Variants in USP40 observed in about 807,000 individuals in gnomAD.
USP40 encodes ubiquitin carboxyl-terminal hydrolase 40.
In USP40, 143 loss-of-function variants were observed where a neutral mutation model predicts 166.2. The observed-to-expected ratio is 0.86, with a 90% CI of 0.75 to 0.99. The LOEUF is 0.99. USP40 is among the 50% of genes least tolerant of loss of function. The pLI is 0.00. For missense variants in USP40, 1,444 were observed against 1,479.7 expected, an observed-to-expected ratio of 0.98 and a Z score of 0.40; for synonymous variants, 498 against 524.0, an observed-to-expected ratio of 0.95 and a Z score of 0.68.
Position 233,542,255 on chromosome 2 carries a change from A to G in USP40, c.1062+13T>C. On this transcript the variant is annotated intron_variant, in intron 9 of 31. Coordinates refer to ENST00000678225, the MANE Select transcript of USP40 (RefSeq NM_001365479.2). The stretch of plus-strand genomic sequence containing the variant: ...ATACCATACATACAAATACATACAC[A>G]CACATACTATACCTCTAATAAGATT... 6.9e-7 allele frequency: 1 copy of G among 1,451,530 alleles called. No individual in the cohort carries two copies. Among genetic ancestry groups the G allele is most frequent in the Non-Finnish European group, 9.4e-7 (1 of 1,067,386 alleles). The allele number at this position is 1,451,530 out of a possible 1,614,324, so 89.9% of individuals were successfully genotyped here.
At chr2:233,508,216 T>C (rs1342091583) in intron 21 of USP40, among the ~76,000 whole-genome samples, 1 of 152,236 alleles carries the variant, frequency 6.6e-6, no homozygotes, top group African/African-American at 2.4e-5. Context: ...AATTTCTTAA[T>C]ACCAGCAAAT....
chr2:233,514,145 T>C (rs935627117), intron 18 of USP40, among the ~76,000 whole-genome samples: 1 of 152,250 alleles, frequency 6.6e-6, no homozygotes, highest in Non-Finnish European at 1.5e-5. Flanking sequence ...TGCCAGGCAC[T>C]GTGCTAGAAA....
At chr2:233,558,985 C>T (rs1320924137) in intron 4 of USP40, among the ~76,000 whole-genome samples, 1 of 152,158 alleles carries the variant, frequency 6.6e-6, no homozygotes, top group African/African-American at 2.4e-5. Context: ...TCAGAGTTTA[C>T]CATTAAAGGC....
At chr2:233,539,800 G>A (rs951085775) in intron 10 of USP40, among the ~76,000 whole-genome samples, 2 of 151,988 alleles carry the variant, frequency 1.3e-5, no homozygotes, top group African/African-American at 4.8e-5. Context: ...AGATATCAGT[G>A]AAATAGAAAA....
In USP40 at chr2:233,496,741, C is replaced by G; in HGVS notation, c.2790+17G>C. ...AATTATTACTTAAGAGTTGTCTATT[C>G]AGAAGTAAAATCTTACCAGAGGAGG... is the stretch of plus-strand genomic sequence containing the variant. On this transcript the variant is annotated intron_variant, in intron 24 of 31. Transcript: ENST00000678225. 3.7e-6 allele frequency: 6 copies of G among 1,602,938 alleles called. No homozygotes were observed. The highest frequency in any genetic ancestry group is 5.1e-6 in the Non-Finnish European group (6 of 1,171,720).
At chr2:233,494,915 C>CATTTATTT (rs1265219527) in intron 24 of USP40, among the ~76,000 whole-genome samples, 1 of 11,370 alleles carries the variant, frequency 8.8e-5, no homozygotes, top group African/African-American at 3.0e-4. Context: ...AGCAAAATGG[C>CATTTATTT]ATATATATAT....
At chr2:233,556,547 A>T (rs1266471013) in intron 5 of USP40, 1 of 170,076 alleles carries the variant, frequency 5.9e-6, no homozygotes, top group Non-Finnish European at 1.2e-5. Flanking sequence ...ACAATATTCC[A>T]ACCATGATGA....
intron 8 of USP40, among the ~76,000 whole-genome samples, chr2:233,543,234 C>T (rs1383557568): frequency 6.6e-6 from 1 of 151,992 alleles, no homozygotes; most frequent in African/African-American, 2.4e-5. Context: ...ACAATGCAAG[C>T]CAAAAATAAA....
At chr2:233,553,566 A>C (rs1426829763) in intron 6 of USP40, among the ~76,000 whole-genome samples, 1 of 152,220 alleles carries the variant, frequency 6.6e-6, no homozygotes, top group African/African-American at 2.4e-5. Context: ...CATATCAGAA[A>C]GGAGCTGGAA....
intron 11 of USP40, among the ~76,000 whole-genome samples, chr2:233,529,887 G>A (rs890558763): frequency 1.5e-4 from 21 of 138,018 alleles, no homozygotes; most frequent in African/African-American, 4.4e-4. Context: ...AGCTCACTCT[G>A]CCTCCCAGGT....
intron 12 of USP40, 85 bp from the exon 13 acceptor site, chr2:233,527,663 C>T (rs1559256366): frequency 8.1e-7 from 1 of 1,234,558 alleles, no homozygotes; most frequent in Non-Finnish European, 1.1e-6. Context: ...ATCTGGCTTA[C>T]AATAAAGTTC....
In USP40 at chr2:233,523,192, G is replaced by A; in HGVS notation, c.2179C>T (p.Gln727Ter). The A allele has an allele frequency of 6.2e-7, 1 of 1,611,352 alleles. No homozygotes were observed. Among genetic ancestry groups the A allele is most frequent in the South Asian group, 1.1e-5 (1 of 90,876 alleles). ...TACCTGTTATCATCATGAGAATCCTGAATTAAAATTGAGCTTCCATTTCTG... is the reference window on the plus strand; with the variant it reads ...TACCTGTTATCATCATGAGAATCCTAAATTAAAATTGAGCTTCCATTTCTG... ...GLRNGSSILI[Q>*]DSHDDNSLLT... is the part of the protein sequence containing the mutation. Residue 727 changes from glutamine (Q) to a stop codon, truncating the protein, a stop_gained, in exon 16 of 32, where the codon CAG (glutamine) becomes TAG (stop). Transcript: ENST00000678225. LOFTEE classifies it high-confidence loss of function.
chr2:233,515,985 G>A (rs948673811), intron 18 of USP40, among the ~76,000 whole-genome samples: 1 of 152,186 alleles, frequency 6.6e-6, no homozygotes, highest in Non-Finnish European at 1.5e-5. Context: ...GAAAGTCAAT[G>A]ACTACGCACC....
At chr2:233,512,067 C>G (rs2066879799) in intron 19 of USP40, 1 of 306,756 alleles carries the variant, frequency 3.3e-6, no homozygotes, top group South Asian at 6.3e-5. Flanking sequence ...ATGACTTGTT[C>G]AAAGAGCTGT....
At position 233,544,705 on chromosome 2, in the gene USP40, A is replaced by T. The variant is rs116873008; in HGVS notation, c.967-2342T>A. 6.3e-3 allele frequency among the ~76,000 whole-genome samples: 966 copies of T among 152,342 alleles called. 22 individuals are homozygous for T. The East Asian group carries it at 0.084, about 13-fold the overall frequency. ...TGACCAAATATATACTTCTTAATAT[A>T]TCACAATGACAAAATCCGGCAAAAA... On this transcript the variant is annotated intron_variant, in intron 8 of 31. Transcript: ENST00000678225.
chr2:233,497,213 T>C (rs980650211), intron 23 of USP40, among the ~76,000 whole-genome samples: 2 of 152,336 alleles, frequency 1.3e-5, no homozygotes, highest in Admixed American at 1.3e-4. Flanking sequence ...ATAGTAAATA[T>C]GGCTTGTTTT....
At chr2:233,542,023 T>C (rs543972271) in intron 9 of USP40, among the ~76,000 whole-genome samples, 1 of 152,332 alleles carries the variant, frequency 6.6e-6, no homozygotes, top group African/African-American at 2.4e-5. Context: ...CTTTTTATCT[T>C]TTGTATATAT....
chr2:233,490,159 CCTTT>C (rs1487697142), intron 26 of USP40, among the ~76,000 whole-genome samples: 4 of 145,872 alleles, frequency 2.7e-5, no homozygotes, highest in Non-Finnish European at 6.0e-5. Flanking sequence ...TTTCTTTTCT[CCTTT>C]TTTTTTTTTT....
chr2:233,520,336 T>C (rs891666136), intron 17 of USP40, among the ~76,000 whole-genome samples: 2 of 152,122 alleles, frequency 1.3e-5, no homozygotes, highest in Admixed American at 1.3e-4. Context: ...TTCTGAACTT[T>C]AGTGTATTCA....
Sources: gnomAD v4.1 joint callset for allele counts (sites outside exome capture counted in the v4.1 genomes callset) on GRCh38, gnomAD v4.1.1 for gene constraint, MANE v1.5 for transcripts, NCBI Gene and HGNC (gene_info 2026-07-23, HGNC 2026-07-21) for gene names.